Variants in CUL4B observed in about 807,000 individuals in gnomAD.
The protein encoded by CUL4B is cullin-4B.
Under a neutral mutation model 69.2 loss-of-function variants are expected in CUL4B, and 1 was observed. That is an observed-to-expected ratio of 0.01 (90% CI 0.01 to 0.07). The LOEUF is 0.07. Among genes scored for constraint, CUL4B ranks in the 10% least tolerant of loss-of-function variants. The probability of loss-of-function intolerance (pLI) is 1.00; values close to 1 mark genes in which losing one functional copy is unlikely to be tolerated. For synonymous variants in CUL4B, 237 were observed against 223.2 expected, an observed-to-expected ratio of 1.06 and a Z score of -0.55; for missense variants, 328 against 638.8, an observed-to-expected ratio of 0.51 and a Z score of 5.24.
chrX:120,543,972 AAG>A, intron 7 of CUL4B, 140 bp downstream of exon 7: 1 of 567,738 alleles, frequency 1.8e-6, no homozygotes, highest in East Asian at 3.6e-5. Context: ...GGCCTTTAAG[AAG>A]AGAGAAAAGA....
intron 11 of CUL4B, 33 bp downstream of exon 11, chrX:120,540,337 T>C (rs1269962318): frequency 2.6e-6 from 3 of 1,163,597 alleles, no homozygotes; most frequent in Non-Finnish European, 3.5e-6. Context: ...AAGAACATCA[T>C]TAAACAACTG....
At chrX:120,538,531 G>C (rs1169061097) in intron 13 of CUL4B, 129 bp downstream of exon 13, 3 of 518,669 alleles carry the variant, frequency 5.8e-6, no homozygotes, top group African/African-American at 2.3e-5. Context: ...TCAGGAGCTT[G>C]CTCAATTTAT....
At position 120,544,166 on chromosome X, in the gene CUL4B, T is replaced by C. The variant is rs2147334050; in HGVS notation, c.1121A>G (p.Glu374Gly). 8.3e-7 allele frequency: 1 copy of C among 1,205,846 alleles called. No individual in the cohort carries two copies. Among genetic ancestry groups the C allele is most frequent in the Non-Finnish European group, 1.1e-6 (1 of 890,221 alleles). Reference sequence around the variant, plus strand: ...TTCAGCTGCATAGAGCCGGTTAGTTTCTTCCAAAAATCGTTGTTCAAAAGA... The same window carrying C: ...TTCAGCTGCATAGAGCCGGTTAGTTCCTTCCAAAAATCGTTGTTCAAAAGA... ...QDSFEQRFLEETNRLYAAEGQ... is the reference protein window; with the variant it reads ...QDSFEQRFLEGTNRLYAAEGQ... Residue 374 changes from glutamate to glycine, a missense_variant, in exon 7 of 20, where the codon GAA becomes GGA. This residue lies in a region of CUL4B where 126 missense variants were observed against 202.5 expected (regional missense o/e 0.62). Transcript: ENST00000371322.
At position 120,557,207 on chromosome X, in the gene CUL4B, G is replaced by A. The variant is rs529033681; in HGVS notation, c.672+717C>T. On this transcript the variant is annotated intron_variant, in intron 2 of 19. Transcript: ENST00000371322. ...ATTACAGGTGTGAGCCACCGTGCCC[G>A]GCCTGAAGTATCTTTTAACACCAAA... Among the ~76,000 whole-genome samples, 391 of 111,514 alleles carry A rather than the reference G, an allele frequency of 3.5e-3. 2 individuals carry two copies. Among genetic ancestry groups the A allele is most frequent in the African/African-American group, 0.012 (367 of 30,647 alleles).
intron 2 of CUL4B, among the ~76,000 whole-genome samples, chrX:120,548,596 G>A (rs1226509074): frequency 2.7e-5 from 3 of 111,334 alleles, no homozygotes; most frequent in Non-Finnish European, 5.6e-5. Context: ...CGGTTTAGGA[G>A]GCTGAGGCGG....
chrX:120,574,646 G>A, intron 1 of CUL4B: 1 of 1,125,476 alleles, frequency 8.9e-7, no homozygotes, highest in Non-Finnish European at 1.2e-6. Flanking sequence ...ATAGAAAACA[G>A]AGAATTCACT....
intron 6 of CUL4B, 87 bp from the exon 7 acceptor site, chrX:120,544,290 T>G: frequency 2.3e-6 from 2 of 851,377 alleles, no homozygotes; most frequent in Non-Finnish European, 3.5e-6. Context: ...GCATTATGAA[T>G]TTGGTTTTTA....
chrX:120,534,409 C>G (rs1215587808), intron 17 of CUL4B, 72 bp downstream of exon 17: 1 of 728,172 alleles, frequency 1.4e-6, no homozygotes, highest in Non-Finnish European at 2.2e-6. Flanking sequence ...GGAATTATTC[C>G]TATAAATATG....
At chrX:120,542,724 C>A (rs775945971) in intron 9 of CUL4B, among the ~76,000 whole-genome samples, 6 of 111,623 alleles carry the variant, frequency 5.4e-5, no homozygotes, top group African/African-American at 2.0e-4. Flanking sequence ...ATACTACAGG[C>A]ACATATCAAC....
intron 11 of CUL4B, among the ~76,000 whole-genome samples, chrX:120,539,798 T>C (rs1184830494): frequency 8.9e-6 from 1 of 111,910 alleles, no homozygotes. Context: ...AGATACATCG[T>C]AGAGTAGAAG....
intron 16 of CUL4B, among the ~76,000 whole-genome samples, chrX:120,535,341 T>G (rs1923590273): frequency 9.0e-6 from 1 of 111,014 alleles, no homozygotes; most frequent in Admixed American, 9.6e-5. Context: ...TAAAATTACT[T>G]AAAAATACAT....
At chrX:120,560,028 G>A (rs1339933047) in intron 1 of CUL4B, 55 bp downstream of exon 1, 1 of 1,208,691 alleles carries the variant, frequency 8.3e-7, no homozygotes, top group Non-Finnish European at 1.1e-6. Context: ...TAGAGCACGT[G>A]ACCCCTCGAG....
Position 120,557,948 on chromosome X carries a change from C to G in CUL4B, c.648G>C (p.Lys216Asn), listed in dbSNP as rs752543393. 8.4e-7 allele frequency: 1 copy of G among 1,194,658 alleles called. No individual in the cohort carries two copies. The highest frequency in any genetic ancestry group is 1.8e-5 in the South Asian group (1 of 56,267). ...CCTGGTAGAGTTCTTCTAAATTGTA[C>G]TTAATTGAAGTACTATTCTGAATAG... ...VEAIQNSTSI[K>N]YNLEELYQAV... The change falls in exon 2 of 20, where the codon AAG becomes AAC. Residue 216 changes from lysine to asparagine, a missense_variant. Around this residue, in one of 4 missense-constraint regions of CUL4B, gnomAD observed 126 missense variants for 202.5 expected, o/e 0.62. Transcript: ENST00000371322.
rs1344648066 is a variant in CUL4B at position 120,560,322 on chromosome X, G to T, written c.317C>A (p.Thr106Asn). ...CGCATCAAACCCTACAAACTCCAGG[G>T]TGTCTTCAAAACGCAGCTTCTTCTG... ...PIQKKLRFED[T>N]LEFVGFDAKM... is the part of the protein sequence containing the mutation. Residue 106 changes from threonine to asparagine, a missense_variant, in exon 1 of 20, where the codon ACC becomes AAC. This residue lies in a region of CUL4B where 102 missense variants were observed against 122.1 expected (regional missense o/e 0.84). Transcript: ENST00000371322. 8.3e-7 allele frequency: 1 copy of T among 1,211,282 alleles called. No individual in the cohort carries two copies. Among genetic ancestry groups the T allele is most frequent in the Non-Finnish European group, 1.1e-6 (1 of 895,132 alleles).
Position 120,534,467 on chromosome X carries a change from T to A in CUL4B, c.2266+14A>T, listed in dbSNP as rs1207167773. 9.2e-7 allele frequency: 1 copy of A among 1,090,323 alleles called. No individual in the cohort carries two copies. The highest frequency in any genetic ancestry group is 1.3e-6 in the Non-Finnish European group (1 of 784,695). 89.9% of individuals were successfully genotyped at this position (1,090,323 alleles called of 1,213,427 possible). On this transcript the variant is annotated intron_variant, in intron 17 of 19. Coordinates refer to ENST00000371322, the MANE Select transcript of CUL4B (RefSeq NM_001079872.2). ...TGGTGTGCACATAGTGAACAATTAATGTTTGCTACAAACCTATTCCAGTTG... is the reference window on the plus strand; with the variant it reads ...TGGTGTGCACATAGTGAACAATTAAAGTTTGCTACAAACCTATTCCAGTTG...
At chrX:120,551,421 G>A (rs965668888) in intron 2 of CUL4B, among the ~76,000 whole-genome samples, 3 of 110,221 alleles carry the variant, frequency 2.7e-5, no homozygotes, top group Non-Finnish European at 1.9e-5. Context: ...GGCTAGTCTC[G>A]AACTCCTGAC....
chrX:120,554,962 A>C (rs1397870423), intron 2 of CUL4B, among the ~76,000 whole-genome samples: 1 of 112,231 alleles, frequency 8.9e-6, no homozygotes, highest in Non-Finnish European at 1.9e-5. Context: ...TTCTGAGAAC[A>C]ATCCAAAGGA....
At chrX:120,566,743 T>C (rs1925561300), downstream of CUL4B, among the ~76,000 whole-genome samples, 1 of 110,932 alleles carries the variant, frequency 9.0e-6, no homozygotes, top group Admixed American at 9.7e-5. Context: ...TCGCCTGAAG[T>C]TACTGACTTG....
chrX:120,556,728 T>C (rs1308659237), intron 2 of CUL4B, among the ~76,000 whole-genome samples: 1 of 109,605 alleles, frequency 9.1e-6, no homozygotes, highest in East Asian at 2.8e-4. Flanking sequence ...CCCAAGATTA[T>C]GAGGGTAACA....
Sources: gnomAD v4.1 joint callset for allele counts (sites outside exome capture counted in the v4.1 genomes callset) on GRCh38, gnomAD v4.1.1 for gene constraint, gnomAD v4.1.1 regional missense constraint, MANE v1.5 for transcripts, NCBI Gene and HGNC (gene_info 2026-07-23, HGNC 2026-07-21) for gene names.